The following THEMIS variants were observed in gnomAD, a reference collection of about 807,000 sequenced individuals.
THEMIS encodes the protein protein THEMIS.
Under a neutral mutation model 52.6 loss-of-function variants are expected in THEMIS, and 37 were observed. The observed-to-expected ratio is 0.70, with a 90% CI of 0.54 to 0.93. The LOEUF is 0.93. THEMIS is among the 40% of genes least tolerant of loss of function. The pLI, the probability that THEMIS is intolerant of heterozygous loss-of-function variation, is 0.00. For missense variants in THEMIS, 808 were observed against 763.1 expected (o/e 1.06, Z -0.69); for synonymous variants, 292 against 272.7 (o/e 1.07, Z -0.70).
intron 1 of THEMIS, among the ~76,000 whole-genome samples, chr6:127,915,455 G>A (rs1229071972): frequency 1.3e-5 from 2 of 152,036 alleles, no homozygotes; most frequent in East Asian, 1.9e-4. Context: ...GGCCTTGTTC[G>A]GGCCTATTGC....
chr6:127,897,420 T>C (rs545490709), intron 1 of THEMIS, among the ~76,000 whole-genome samples: 2 of 151,546 alleles, frequency 1.3e-5, no homozygotes, highest in South Asian at 2.1e-4. Context: ...AATATATATA[T>C]ACACATAAAC....
intron 4 of THEMIS, among the ~76,000 whole-genome samples, chr6:127,759,857 T>TCCCA (rs1775961907): frequency 1.1e-5 from 1 of 93,652 alleles, no homozygotes; most frequent in Non-Finnish European, 2.0e-5. Context: ...CCTCCCTCCC[T>TCCCA]CCTTCCTTCC....
chr6:127,882,139 TATG>T (rs751380708), intron 1 of THEMIS, among the ~76,000 whole-genome samples: 37 of 151,972 alleles, frequency 2.4e-4, no homozygotes, highest in Non-Finnish European at 4.6e-4. Flanking sequence ...TTTTTAACTT[TATG>T]ATGATGTGAA....
chr6:127,805,236 A>G (rs984640797), intron 4 of THEMIS, among the ~76,000 whole-genome samples: 18 of 152,192 alleles, frequency 1.2e-4, no homozygotes, highest in African/African-American at 3.8e-4. Flanking sequence ...CTCAAATGAG[A>G]GCATTAGAGA....
At chr6:127,722,699 G>C (rs73773844) in intron 4 of THEMIS, among the ~76,000 whole-genome samples, 6 of 151,826 alleles carry the variant, frequency 4.0e-5, no homozygotes, top group Non-Finnish European at 5.9e-5. Flanking sequence ...AGTGTTGTCC[G>C]TTGCAACCTT....
At position 127,846,914 on chromosome 6, in the gene THEMIS, T is replaced by C. The variant is rs536146670; in HGVS notation, c.250+8116A>G. ...CTAAATATTAGCTAACTAAATCTAA[T>C]AGCAAATCAAAAAGATAATACATCA... On this transcript the variant is annotated intron_variant, in intron 2 of 5. Transcript: ENST00000368248. Among the ~76,000 whole-genome samples, 390 of 151,902 alleles carry C rather than the reference T, an allele frequency of 2.6e-3. 1 individual carries two copies. Among genetic ancestry groups the C allele is most frequent in the Non-Finnish European group, 4.4e-3 (296 of 67,880 alleles).
intron 1 of THEMIS, among the ~76,000 whole-genome samples, chr6:127,886,136 C>T (rs1439965450): frequency 1.3e-5 from 2 of 152,244 alleles, no homozygotes; most frequent in Non-Finnish European, 2.9e-5. Flanking sequence ...AGGTTTCCCT[C>T]AACTTGAAAC....
intron 4 of THEMIS, among the ~76,000 whole-genome samples, chr6:127,767,802 C>G (rs1776251615): frequency 1.3e-5 from 2 of 152,074 alleles, no homozygotes; most frequent in African/African-American, 4.8e-5. Context: ...TATACAACCA[C>G]CAATGCAGTA....
intron 4 of THEMIS, among the ~76,000 whole-genome samples, chr6:127,765,353 C>A (rs1776161250): frequency 1.3e-5 from 2 of 151,934 alleles, no homozygotes; most frequent in Non-Finnish European, 2.9e-5. Flanking sequence ...ACAATAAAAG[C>A]CCAAATTGGG....
chr6:127,769,342 G>GTTT (rs201005568), intron 4 of THEMIS, among the ~76,000 whole-genome samples: 1 of 142,784 alleles, frequency 7.0e-6, no homozygotes, highest in African/African-American at 2.6e-5. Context: ...AAATAGACCA[G>GTTT]TTTTTTTTTG....
At chr6:127,833,865 G>A (rs992977569) in intron 2 of THEMIS, among the ~76,000 whole-genome samples, 3 of 152,064 alleles carry the variant, frequency 2.0e-5, no homozygotes, top group South Asian at 4.2e-4. Context: ...AAAGCCACAA[G>A]AAACATGTGA....
At chr6:127,773,928 T>C (rs377764) in intron 4 of THEMIS, among the ~76,000 whole-genome samples, 71,749 of 151,618 alleles carry the variant, frequency 0.47, 17,870 homozygotes, top group Non-Finnish European at 0.53. Context: ...AACTTAATAA[T>C]TTAAAACGAG....
chr6:127,769,716 G>A (rs1390807777), intron 4 of THEMIS, among the ~76,000 whole-genome samples: 2 of 152,044 alleles, frequency 1.3e-5, no homozygotes, highest in Non-Finnish European at 2.9e-5. Context: ...TGCCATGTTG[G>A]TTTGCTGCAC....
the THEMIS span, among the ~76,000 whole-genome samples, chr6:127,698,437 T>C: frequency 6.6e-6 from 1 of 152,024 alleles, no homozygotes; most frequent in Admixed American, 6.6e-5. Context: ...GTAAGGACAA[T>C]AGGAGAATAT....
At chr6:127,902,064 C>T (rs577139465), upstream of THEMIS, among the ~76,000 whole-genome samples, 32 of 152,042 alleles carry the variant, frequency 2.1e-4, no homozygotes, top group African/African-American at 7.5e-4. Flanking sequence ...GTGGCTCATA[C>T]CTGTAGTCCC....
chr6:127,754,847 A>G, intron 4 of THEMIS, among the ~76,000 whole-genome samples: 1 of 151,800 alleles, frequency 6.6e-6, no homozygotes, highest in East Asian at 1.9e-4. Context: ...CAACGGTTCA[A>G]TGAATAAACT....
chr6:127,828,733 C>T (rs1257844943), intron 3 of THEMIS, among the ~76,000 whole-genome samples: 3 of 152,112 alleles, frequency 2.0e-5, no homozygotes, highest in Admixed American at 2.0e-4. Flanking sequence ...GTGGGCCGAT[C>T]ACGAGGTCAA....
intron 4 of THEMIS, among the ~76,000 whole-genome samples, chr6:127,728,846 AG>A (rs1774644575): frequency 6.6e-6 from 1 of 152,200 alleles, no homozygotes; most frequent in Non-Finnish European, 1.5e-5. Context: ...TAGGGCAAGA[AG>A]GTTGCAATTT....
the THEMIS span, among the ~76,000 whole-genome samples, chr6:127,696,760 A>G: frequency 6.6e-6 from 1 of 152,028 alleles, no homozygotes; most frequent in African/African-American, 2.4e-5. Flanking sequence ...ACTGCCCTCC[A>G]TAGATTGTAG....
Sources: gnomAD v4.1 joint callset for allele counts (sites outside exome capture counted in the v4.1 genomes callset) on GRCh38, gnomAD v4.1.1 for gene constraint, MANE v1.5 for transcripts, NCBI Gene and HGNC (gene_info 2026-07-23, HGNC 2026-07-21) for gene names.